The following GRM7 variants were observed in gnomAD, a reference collection of about 807,000 sequenced individuals.
GRM7 encodes the protein metabotropic glutamate receptor 7.
In GRM7, 35 loss-of-function variants were observed where a neutral mutation model predicts 84.5. The observed-to-expected ratio is 0.41, with a 90% CI of 0.32 to 0.55. GRM7 has a LOEUF of 0.55. Among genes scored for constraint, GRM7 ranks in the 20% least tolerant of loss-of-function variants. The pLI is 0.19. For synonymous variants in GRM7, 487 were observed against 455.1 expected (o/e 1.07, Z -0.89); for missense variants, 1,003 against 1,194.6 (o/e 0.84, Z 2.36).
intron 1 of GRM7, among the ~76,000 whole-genome samples, chr3:6,881,093 A>G (rs961206723): frequency 3.3e-5 from 5 of 152,174 alleles, no homozygotes; most frequent in Non-Finnish European, 5.9e-5. Flanking sequence ...TGCAAGCTCA[A>G]TTATAAACTC....
intron 4 of GRM7, among the ~76,000 whole-genome samples, chr3:7,364,715 G>A (rs781516162): frequency 6.6e-6 from 1 of 151,836 alleles, no homozygotes; most frequent in South Asian, 2.1e-4. Flanking sequence ...TTATCTTGGA[G>A]AATACCAGAT....
intron 7 of GRM7, among the ~76,000 whole-genome samples, chr3:7,536,543 G>T (rs564394622): frequency 1.3e-4 from 20 of 152,286 alleles, no homozygotes; most frequent in Middle Eastern, 3.4e-3. Flanking sequence ...ATCAGGATTG[G>T]TCTGTGCAAC....
intron 2 of GRM7, among the ~76,000 whole-genome samples, chr3:7,213,718 A>T (rs894565986): frequency 6.6e-6 from 1 of 152,136 alleles, no homozygotes; most frequent in Admixed American, 6.5e-5. Flanking sequence ...GTTCATCTCC[A>T]GAGCTGCCCT....
chr3:7,138,750 A>G (rs1195430467), intron 1 of GRM7, among the ~76,000 whole-genome samples: 2 of 151,646 alleles, frequency 1.3e-5, no homozygotes, highest in Non-Finnish European at 3.0e-5. Context: ...AACTGTAAAT[A>G]TATGTTACCA....
chr3:7,666,009 C>T (rs1394188745), intron 8 of GRM7, among the ~76,000 whole-genome samples: 1 of 152,098 alleles, frequency 6.6e-6, no homozygotes, highest in East Asian at 1.9e-4. Context: ...CATCACAGAG[C>T]TTAAATTCTA....
chr3:7,103,753 T>C (rs780148869), intron 1 of GRM7, among the ~76,000 whole-genome samples: 1 of 14,386 alleles, frequency 7.0e-5, no homozygotes, highest in Non-Finnish European at 1.4e-4. Flanking sequence ...TCTCTCCCTT[T>C]CTTTCTTTCT....
intron 7 of GRM7, among the ~76,000 whole-genome samples, chr3:7,469,196 C>A (rs1157891928): frequency 6.6e-6 from 1 of 152,148 alleles, no homozygotes; most frequent in African/African-American, 2.4e-5. Context: ...ATGAATGGAT[C>A]AGAGGATGCA....
chr3:7,349,135 G>C (rs1693021207), intron 4 of GRM7, among the ~76,000 whole-genome samples: 1 of 152,008 alleles, frequency 6.6e-6, no homozygotes. Context: ...AGTCTGACAG[G>C]CTCTTACAGT....
chr3:6,992,200 T>C (rs1196241249), intron 1 of GRM7, among the ~76,000 whole-genome samples: 1 of 152,224 alleles, frequency 6.6e-6, no homozygotes, highest in Non-Finnish European at 1.5e-5. Context: ...TCTATTGTGC[T>C]ACATGCTCTT....
chr3:7,091,991 TTTTA>T (rs982037565), intron 1 of GRM7, among the ~76,000 whole-genome samples: 11 of 151,684 alleles, frequency 7.3e-5, no homozygotes, highest in African/African-American at 1.9e-4. Flanking sequence ...TCAGTTTTTA[TTTTA>T]TTTATTTATT....
At chr3:7,734,477 C>G (rs1702435760) in intron 9 of GRM7, among the ~76,000 whole-genome samples, 1 of 152,122 alleles carries the variant, frequency 6.6e-6, no homozygotes, top group Non-Finnish European at 1.5e-5. Flanking sequence ...AGTAAAGTTC[C>G]TGGTGTTTAA....
intron 4 of GRM7, among the ~76,000 whole-genome samples, chr3:7,326,170 CAA>C (rs5846504): frequency 8.3e-5 from 11 of 132,100 alleles, no homozygotes; most frequent in African/African-American, 1.7e-4. Flanking sequence ...CAACAGTAGG[CAA>C]AAAAAAAAGA....
intron 5 of GRM7, among the ~76,000 whole-genome samples, chr3:7,446,025 A>G (rs185883137): frequency 3.4e-4 from 51 of 152,224 alleles, no homozygotes; most frequent in Admixed American, 3.3e-3. Flanking sequence ...TAATACATTC[A>G]TTTACTATTT....
chr3:7,736,290 G>A (rs1702496814), intron 9 of GRM7, among the ~76,000 whole-genome samples: 1 of 152,086 alleles, frequency 6.6e-6, no homozygotes, highest in Non-Finnish European at 1.5e-5. Context: ...CATGACAAAT[G>A]TTTTATCCTG....
chr3:7,391,393 G>GT (rs1694988531), intron 4 of GRM7, among the ~76,000 whole-genome samples: 1 of 152,230 alleles, frequency 6.6e-6, no homozygotes, highest in Admixed American at 6.5e-5. Flanking sequence ...AAAAGGATGA[G>GT]TTCATGTACT....
At chr3:7,554,854 A>G (rs1210437778) in intron 7 of GRM7, among the ~76,000 whole-genome samples, 1 of 152,242 alleles carries the variant, frequency 6.6e-6, no homozygotes. Flanking sequence ...CTTACAGCAT[A>G]AATACATGAT....
At chr3:7,204,822 C>G (rs1696182073) in intron 2 of GRM7, among the ~76,000 whole-genome samples, 1 of 152,164 alleles carries the variant, frequency 6.6e-6, no homozygotes, top group South Asian at 2.1e-4. Context: ...TGTGATTACT[C>G]ACATTAAAAA....
rs141283776 is a variant in GRM7, at chr3:7,578,522, C to A, written c.1616C>A (p.Thr539Asn). The A allele has an allele frequency of 6.2e-7, 1 of 1,612,810 alleles. No homozygotes were observed. The highest frequency in any genetic ancestry group is 8.5e-7 in the Non-Finnish European group (1 of 1,178,936). The change falls in exon 8 of 10, where the codon ACT (threonine) becomes AAT (asparagine). Residue 539 changes from threonine to asparagine, a missense_variant. Thr to Asn is a moderately conservative substitution (Grantham distance 65). Around this residue, in one of 2 missense-constraint regions of GRM7, gnomAD observed 910 missense variants for 1,126.0 expected, o/e 0.81. Transcript: ENST00000357716. ...CAGAGAAAGAAGACACAGAAAGGAA[C>A]TCCTTGCTGTTGGACCTGTGAGCCT... ...PGQRKKTQKG[T>N]PCCWTCEPCD... is the part of the protein sequence containing the mutation.
At chr3:7,227,300 C>A (rs1215571343) in intron 2 of GRM7, among the ~76,000 whole-genome samples, 1 of 152,140 alleles carries the variant, frequency 6.6e-6, no homozygotes, top group African/African-American at 2.4e-5. Context: ...AAAGGACAAT[C>A]TATTCTAGAA....
Sources: allele counts gnomAD v4.1 joint callset (sites outside exome capture counted in the v4.1 genomes callset), GRCh38; gene constraint gnomAD v4.1.1; regional missense constraint gnomAD v4.1.1; transcripts MANE v1.5; gene names NCBI Gene and HGNC (gene_info 2026-07-23, HGNC 2026-07-21).